NLGN1: variants seen among roughly 807,000 people sequenced by gnomAD.
NLGN1 encodes neuroligin-1.
A neutral mutation model predicts 65.5 loss-of-function variants in NLGN1; 12 were observed. The ratio of observed to expected loss-of-function variants is 0.18; its 90% CI spans 0.12 to 0.30. NLGN1 has a LOEUF of 0.30. Ranked by LOEUF, NLGN1 falls within the 10% of genes least tolerant of loss-of-function variation. The probability of loss-of-function intolerance (pLI) is 1.00; values close to 1 mark genes in which losing one functional copy is unlikely to be tolerated. For synonymous variants in NLGN1, 350 were observed against 359.5 expected, an observed-to-expected ratio of 0.97 and a Z score of 0.30; for missense variants, 750 against 1,007.1, an observed-to-expected ratio of 0.74 and a Z score of 3.46.
chr3:174,065,848 A>G (rs979644751), intron 4 of NLGN1, among the ~76,000 whole-genome samples: 21 of 152,264 alleles, frequency 1.4e-4, no homozygotes, highest in African/African-American at 4.3e-4. Flanking sequence ...GCAGAAAACT[A>G]AAGGCAGTCT....
At chr3:173,655,271 T>C (rs1759825239) in intron 3 of NLGN1, among the ~76,000 whole-genome samples, 2 of 152,184 alleles carry the variant, frequency 1.3e-5, no homozygotes, top group African/African-American at 4.8e-5. Context: ...TATTCACTTA[T>C]ATAAAGCACC....
intron 4 of NLGN1, among the ~76,000 whole-genome samples, chr3:173,909,076 T>G (rs2152214260): frequency 6.6e-6 from 1 of 152,252 alleles, no homozygotes; most frequent in Non-Finnish European, 1.5e-5. Flanking sequence ...ACATTTGTAT[T>G]AGAACATTGT....
chr3:174,108,879 A>G (rs906794093), intron 4 of NLGN1, among the ~76,000 whole-genome samples: 6 of 151,988 alleles, frequency 3.9e-5, no homozygotes, highest in Admixed American at 2.6e-4. Context: ...CTTGCTCTTC[A>G]TATTTCAAAG....
chr3:173,996,859 C>T, intron 4 of NLGN1, among the ~76,000 whole-genome samples: 1 of 152,114 alleles, frequency 6.6e-6, no homozygotes, highest in East Asian at 1.9e-4. Context: ...GGTTGGGGAA[C>T]ACCATAAGAG....
chr3:173,597,985 G>A (rs2149423389), intron 2 of NLGN1, among the ~76,000 whole-genome samples: 1 of 152,082 alleles, frequency 6.6e-6, no homozygotes, highest in African/African-American at 2.4e-5. Flanking sequence ...TTTTAATCTT[G>A]TGATATAGCT....
chr3:174,030,901 A>G (rs1729887492), intron 4 of NLGN1, among the ~76,000 whole-genome samples: 1 of 152,206 alleles, frequency 6.6e-6, no homozygotes, highest in Non-Finnish European at 1.5e-5. Context: ...AAAAGGAAAT[A>G]TTGGTCAAAA....
At chr3:173,800,898 T>A (rs569872785) in intron 3 of NLGN1, among the ~76,000 whole-genome samples, 68 of 152,086 alleles carry the variant, frequency 4.5e-4, no homozygotes, top group African/African-American at 1.6e-3. Context: ...TGCTTAAATG[T>A]CACATAAATG....
At chr3:173,708,046 T>C (rs1381835074) in intron 3 of NLGN1, among the ~76,000 whole-genome samples, 3 of 152,358 alleles carry the variant, frequency 2.0e-5, no homozygotes, top group Non-Finnish European at 4.4e-5. Context: ...TACAGTCAGA[T>C]TGAATTTATA....
chr3:173,965,966 GC>G (rs1198689486), intron 4 of NLGN1, among the ~76,000 whole-genome samples: 4 of 151,966 alleles, frequency 2.6e-5, no homozygotes, highest in Non-Finnish European at 5.9e-5. Flanking sequence ...ACAGGTGTTA[GC>G]AGTACAAATA....
intron 4 of NLGN1, among the ~76,000 whole-genome samples, chr3:174,071,405 G>A (rs1429150854): frequency 3.3e-5 from 5 of 152,072 alleles, no homozygotes; most frequent in South Asian, 4.1e-4. Context: ...AGGTGGATCA[G>A]GTTTGATGTC....
chr3:174,108,515 G>T (rs994303337), intron 4 of NLGN1, among the ~76,000 whole-genome samples: 1 of 150,956 alleles, frequency 6.6e-6, no homozygotes, highest in Non-Finnish European at 1.5e-5. Context: ...TACTTAAAGA[G>T]GTGAAGAAAA....
intron 4 of NLGN1, among the ~76,000 whole-genome samples, chr3:174,139,917 T>C (rs1314039883): frequency 6.6e-6 from 1 of 152,210 alleles, no homozygotes; most frequent in Non-Finnish European, 1.5e-5. Flanking sequence ...TATTTAAGTC[T>C]TTTGTTCATT....
At chr3:173,608,456 T>C (rs75917246) in intron 3 of NLGN1, among the ~76,000 whole-genome samples, 8,088 of 151,968 alleles carry the variant, frequency 0.053, 485 homozygotes, top group African/African-American at 0.14. Flanking sequence ...CCTGGTTTTA[T>C]ATATTAGGTG....
At chr3:173,786,528 A>T (rs1440681203) in intron 3 of NLGN1, among the ~76,000 whole-genome samples, 3 of 151,918 alleles carry the variant, frequency 2.0e-5, no homozygotes, top group African/African-American at 7.3e-5. Context: ...GGAGAAGTGA[A>T]CCCATGTATC....
intron 4 of NLGN1, among the ~76,000 whole-genome samples, chr3:173,820,178 CG>C (rs1211878287): frequency 4.4e-5 from 1 of 22,874 alleles, no homozygotes; most frequent in Non-Finnish European, 9.5e-5. Flanking sequence ...GATTCAGTCT[CG>C]AAAAAAAAAA....
At chr3:173,827,611 A>G (rs971994839) in intron 4 of NLGN1, among the ~76,000 whole-genome samples, 4 of 147,572 alleles carry the variant, frequency 2.7e-5, no homozygotes, top group African/African-American at 7.5e-5. Context: ...TTAATGAGGG[A>G]TCATATATAT....
chr3:173,614,421 A>G (rs1285998647), intron 3 of NLGN1, among the ~76,000 whole-genome samples: 27 of 152,080 alleles, frequency 1.8e-4, no homozygotes, highest in Admixed American at 1.8e-3. Flanking sequence ...GAGGATCTCT[A>G]AAAAGAAGAA....
At chr3:174,029,097 C>T (rs1193158862) in intron 4 of NLGN1, among the ~76,000 whole-genome samples, 2 of 152,234 alleles carry the variant, frequency 1.3e-5, no homozygotes, top group Non-Finnish European at 2.9e-5. Context: ...AGAGTCCTCA[C>T]TGGGGCACTG....
chr3:173,663,201 G>C (rs997457781), intron 3 of NLGN1, among the ~76,000 whole-genome samples: 2 of 151,864 alleles, frequency 1.3e-5, no homozygotes, highest in Non-Finnish European at 2.9e-5. Flanking sequence ...GCTCTCATCT[G>C]AAAAAGTGTT....
Sources: allele counts gnomAD v4.1 joint callset (sites outside exome capture counted in the v4.1 genomes callset), GRCh38; gene constraint gnomAD v4.1.1; transcripts MANE v1.5; gene names NCBI Gene and HGNC (gene_info 2026-07-23, HGNC 2026-07-21).